TRAPPC10: variants seen among roughly 807,000 people sequenced by gnomAD.
TRAPPC10 encodes TRAPP 130 kDa subunit.
In TRAPPC10, 23 loss-of-function variants were observed where a neutral mutation model predicts 125.5. That is an observed-to-expected ratio of 0.18 (90% CI 0.13 to 0.26). TRAPPC10 has a LOEUF of 0.26. Ranked by LOEUF, TRAPPC10 falls within the 10% of genes least tolerant of loss-of-function variation. The probability of loss-of-function intolerance (pLI) is 1.00; values close to 1 mark genes in which losing one functional copy is unlikely to be tolerated. For synonymous variants in TRAPPC10, 509 were observed against 518.0 expected (o/e 0.98, Z 0.24); for missense variants, 1,123 against 1,308.4 (o/e 0.86, Z 2.19).
At chr21:44,062,527 C>A (rs756385076) in intron 6 of TRAPPC10, 1 of 984,848 alleles carries the variant, frequency 1.0e-6, no homozygotes, top group Non-Finnish European at 1.2e-6. Context: ...GGGAGTGCCC[C>A]GTGAGAATCC....
At chr21:44,071,625 A>G (rs2036874119) in intron 7 of TRAPPC10, among the ~76,000 whole-genome samples, 2 of 152,214 alleles carry the variant, frequency 1.3e-5, no homozygotes, top group African/African-American at 4.8e-5. Context: ...CGGCTCTGCA[A>G]GGCGGCACTG....
intron 3 of TRAPPC10, chr21:44,046,947 T>C (rs1191218702): frequency 1.2e-6 from 1 of 825,566 alleles, no homozygotes; most frequent in East Asian, 2.8e-5. Context: ...TGTCGATGAA[T>C]ATGGCCCACT....
intron 2 of TRAPPC10, among the ~76,000 whole-genome samples, chr21:44,037,234 G>A (rs1193399712): frequency 6.6e-6 from 1 of 152,172 alleles, no homozygotes; most frequent in East Asian, 1.9e-4. Context: ...TGCAGGGGGC[G>A]TGTGGGATTT....
chr21:44,061,807 C>T (rs2036079350), intron 6 of TRAPPC10, among the ~76,000 whole-genome samples: 1 of 152,186 alleles, frequency 6.6e-6, no homozygotes, highest in African/African-American at 2.4e-5. Context: ...CTGCCAATCA[C>T]AGTTTCTAAT....
At position 44,068,687 on chromosome 21, in the gene TRAPPC10, G is replaced by A. The variant is rs568011159; in HGVS notation, c.1038+4902G>A. ...GTGATCTTGGCTCATTGTAGCCTCC[G>A]CCTCCAGGGTTCAGGCAATTCTCCT... On this transcript the variant is annotated intron_variant, in intron 7 of 22. Coordinates refer to ENST00000291574, the MANE Select transcript of TRAPPC10 (RefSeq NM_003274.5). 6.6e-5 allele frequency among the ~76,000 whole-genome samples: 10 copies of A among 152,062 alleles called. No individual in the cohort carries two copies. The East Asian group carries it at 1.9e-3, about 29-fold the overall frequency.
intron 1 of TRAPPC10, among the ~76,000 whole-genome samples, chr21:44,031,257 A>T (rs1480242094): frequency 6.6e-6 from 1 of 152,224 alleles, no homozygotes; most frequent in Non-Finnish European, 1.5e-5. Context: ...TATAAAAGCA[A>T]TTTGGAAAAT....
chr21:44,064,077 T>C (rs1192891303), intron 7 of TRAPPC10, among the ~76,000 whole-genome samples: 1 of 152,240 alleles, frequency 6.6e-6, no homozygotes, highest in Non-Finnish European at 1.5e-5. Context: ...CTGCGTGAGC[T>C]GTCTCCACGG....
chr21:44,020,191 G>GCTTA (rs2032351157), intron 1 of TRAPPC10, among the ~76,000 whole-genome samples: 1 of 151,174 alleles, frequency 6.6e-6, no homozygotes, highest in Admixed American at 6.6e-5. Context: ...CGTGATCTCG[G>GCTTA]CTTACTGCAA....
At chr21:44,021,466 C>T (rs2032492721) in intron 1 of TRAPPC10, among the ~76,000 whole-genome samples, 1 of 152,108 alleles carries the variant, frequency 6.6e-6, no homozygotes. Context: ...TATAAAAGTG[C>T]AATATGTATC....
At position 44,055,779 on chromosome 21, in the gene TRAPPC10, A is replaced by G. The variant is rs936165121; in HGVS notation, c.564A>G (p.Thr188=). ...SWNAFLTKLR[T]LLLMSFTKNL... Reference sequence around the variant, plus strand: ...ATGCCTTCCTGACCAAACTCAGGACATTGCTTCTTATGTCTTTTACCAAAA... The same window carrying G: ...ATGCCTTCCTGACCAAACTCAGGACGTTGCTTCTTATGTCTTTTACCAAAA... Residue 188 remains threonine (T), a synonymous_variant, in exon 5 of 23, where the codon ACA becomes ACG. Coordinates refer to ENST00000291574, the MANE Select transcript of TRAPPC10 (RefSeq NM_003274.5). The G allele has an allele frequency of 1.2e-6, 2 of 1,613,864 alleles. No individual in the cohort carries two copies. Among genetic ancestry groups the G allele is most frequent in the African/African-American group, 2.7e-5 (2 of 74,906 alleles).
rs188049163 is a variant in TRAPPC10, at chr21:44,042,686, C to T, written c.285+4759C>T. Among the ~76,000 whole-genome samples the T allele has an allele frequency of 6.2e-4, 94 of 152,160 alleles. 1 individual carries two copies. The highest frequency in any genetic ancestry group is 1.0e-4 in the Non-Finnish European group (7 of 68,006). On this transcript the variant is annotated intron_variant, in intron 3 of 22. Coordinates refer to ENST00000291574, the MANE Select transcript of TRAPPC10 (RefSeq NM_003274.5). ...AGGTCATTTATATTTTGAATTTTGT[C>T]CATTTGACCTATCTTTAACTGACAG...
At position 44,089,909 on chromosome 21, in the gene TRAPPC10, A is replaced by G. The variant is rs1276121635; in HGVS notation, c.2846A>G (p.His949Arg). The G allele has an allele frequency of 6.2e-7, 1 of 1,613,714 alleles. No individual in the cohort carries two copies. Among genetic ancestry groups the G allele is most frequent in the Non-Finnish European group, 8.5e-7 (1 of 1,179,842 alleles). ...LTFSVPFRTT[H>R]SLLSSGTRKY... is the part of the protein sequence containing the mutation. ...TTCAGCGTACCCTTCAGGACCACACACAGCCTCCTGTCCTCAGGAACACGG... is the reference window on the plus strand; with the variant it reads ...TTCAGCGTACCCTTCAGGACCACACGCAGCCTCCTGTCCTCAGGAACACGG... Residue 949 changes from histidine (H) to arginine (R), a missense_variant, in exon 18 of 23, where the codon CAC becomes CGC. Physicochemically the swap from His to Arg is conservative, Grantham distance 29. Transcript: ENST00000291574.
At chr21:44,027,480 G>A (rs2033175659) in intron 1 of TRAPPC10, among the ~76,000 whole-genome samples, 1 of 152,224 alleles carries the variant, frequency 6.6e-6, no homozygotes, top group Non-Finnish European at 1.5e-5. Flanking sequence ...TGCAGAGTAA[G>A]TAGTAAACTT....
At position 44,091,908 on chromosome 21, in the gene TRAPPC10, G is replaced by T. The variant is rs752310039; in HGVS notation, c.2871-15G>T. 6.2e-7 allele frequency: 1 copy of T among 1,610,910 alleles called. No individual in the cohort carries two copies. Among genetic ancestry groups the T allele is most frequent in the Admixed American group, 1.7e-5 (1 of 59,644 alleles). Reference sequence around the variant, plus strand: ...CTTACATATCAAAATAATACTTTTTGTTTTTCCACTTTAGGAAATATGTTC... The same window carrying T: ...CTTACATATCAAAATAATACTTTTTTTTTTTCCACTTTAGGAAATATGTTC... On this transcript the variant is annotated splice_polypyrimidine_tract_variant and intron_variant, in intron 18 of 22. Transcript: ENST00000291574.
At chr21:44,084,453 G>A (rs1254167785) in intron 15 of TRAPPC10, among the ~76,000 whole-genome samples, 190 bp downstream of exon 15, 5 of 152,154 alleles carry the variant, frequency 3.3e-5, no homozygotes, top group Non-Finnish European at 5.9e-5. Flanking sequence ...TTGCTTTCCT[G>A]TAATTGCTTT....
At chr21:44,028,714 A>C (rs2238706) in intron 1 of TRAPPC10, among the ~76,000 whole-genome samples, 52,885 of 152,132 alleles carry the variant, frequency 0.35, 13,379 homozygotes, top group African/African-American at 0.72. Flanking sequence ...TTATTGGAAT[A>C]AAAGGCCTGA....
chr21:44,039,579 G>T (rs1046517865), intron 3 of TRAPPC10, among the ~76,000 whole-genome samples: 1 of 152,182 alleles, frequency 6.6e-6, no homozygotes, highest in East Asian at 1.9e-4. Context: ...TAGACATCAA[G>T]AACTGGGCCG....
rs145556732 is a variant in TRAPPC10 at position 44,041,229 on chromosome 21, T to A, written c.285+3302T>A. 2.9e-3 allele frequency among the ~76,000 whole-genome samples: 449 copies of A among 152,322 alleles called. 5 individuals carry two copies. Among genetic ancestry groups the A allele is most frequent in the African/African-American group, 1.0e-2 (415 of 41,576 alleles). On this transcript the variant is annotated intron_variant, in intron 3 of 22. Coordinates refer to ENST00000291574, the MANE Select transcript of TRAPPC10 (RefSeq NM_003274.5). Reference sequence around the variant, plus strand: ...TTTGGTGGAATTTTGGGAAACTAGCTGGGCCAGGTACTTTTTTGTAACTCT... The same window carrying A: ...TTTGGTGGAATTTTGGGAAACTAGCAGGGCCAGGTACTTTTTTGTAACTCT...
chr21:44,045,149 G>A (rs2034690990), intron 3 of TRAPPC10, among the ~76,000 whole-genome samples: 1 of 152,054 alleles, frequency 6.6e-6, no homozygotes, highest in African/African-American at 2.4e-5. Context: ...TGGTCAGGCT[G>A]GTCTCGAACT....
Sources: allele counts gnomAD v4.1 joint callset (sites outside exome capture counted in the v4.1 genomes callset), GRCh38; gene constraint gnomAD v4.1.1; transcripts MANE v1.5; gene names NCBI Gene and HGNC (gene_info 2026-07-23, HGNC 2026-07-21).